The following STK10 variants were observed in gnomAD, a reference collection of about 807,000 sequenced individuals.
STK10 encodes serine/threonine kinase 10.
Under a neutral mutation model 113.8 loss-of-function variants are expected in STK10, and 78 were observed. The observed-to-expected ratio is 0.69, with a 90% CI of 0.57 to 0.83. STK10 has a LOEUF of 0.83. Among genes scored for constraint, STK10 ranks in the 40% least tolerant of loss-of-function variants. The pLI, the probability that STK10 is intolerant of heterozygous loss-of-function variation, is 0.00. For synonymous variants in STK10, 465 were observed against 494.7 expected, an observed-to-expected ratio of 0.94 and a Z score of 0.80; for missense variants, 1,109 against 1,280.1, an observed-to-expected ratio of 0.87 and a Z score of 2.04.
intron 10 of STK10, among the ~76,000 whole-genome samples, chr5:172,085,342 G>A (rs1199799479): frequency 1.3e-5 from 2 of 152,054 alleles, no homozygotes; most frequent in Non-Finnish European, 1.5e-5. Context: ...AAAAATATCG[G>A]AGGGATAAGC....
chr5:172,087,631 T>A (rs147654019), intron 10 of STK10, among the ~76,000 whole-genome samples: 18,226 of 128,242 alleles, frequency 0.14, 3,351 homozygotes, highest in African/African-American at 0.27. Context: ...TTATTTTTTT[T>A]TTTTTTTTGA....
In STK10 at chr5:172,133,615, A is replaced by G. The variant is rs1418175249; in HGVS notation, c.322-6194T>C. ...TCTGGAGCTAATTAGGAAGCACACAACTCTGATGGTTGCAGGAAACCATGT... is the reference window on the plus strand; with the variant it reads ...TCTGGAGCTAATTAGGAAGCACACAGCTCTGATGGTTGCAGGAAACCATGT... On this transcript the variant is annotated intron_variant, in intron 2 of 18. Coordinates refer to ENST00000176763, the MANE Select transcript of STK10 (RefSeq NM_005990.4). The surrounding 1 kb of genome is among the most constrained non-coding windows in gnomAD (Gnocchi z 4.9). Among the ~76,000 whole-genome samples, 5 of 152,148 alleles carry G rather than the reference A, an allele frequency of 3.3e-5. No individual in the cohort carries two copies. Among genetic ancestry groups the G allele is most frequent in the Non-Finnish European group, 5.9e-5 (4 of 68,032 alleles).
intron 4 of STK10, among the ~76,000 whole-genome samples, chr5:172,109,138 A>G (rs1473335074): frequency 3.9e-5 from 6 of 152,102 alleles, no homozygotes; most frequent in African/African-American, 1.4e-4. Context: ...GAAGGGGGAT[A>G]CACAGTTGAA....
intron 7 of STK10, among the ~76,000 whole-genome samples, chr5:172,102,163 G>A (rs1048446362): frequency 5.9e-5 from 9 of 152,184 alleles, no homozygotes; most frequent in Admixed American, 6.5e-5. Context: ...GCAGCAGCCC[G>A]AGTGAGAGGT....
rs1309929915 is a variant in STK10 at position 172,043,078 on chromosome 5, C to G, written c.*1804G>C. Reference sequence around the variant, plus strand: ...CAGCTTGGGCAACATATTAGAGACCCTGTCTCAAAGAATTTTTTTTTTTTT... The same window carrying G: ...CAGCTTGGGCAACATATTAGAGACCGTGTCTCAAAGAATTTTTTTTTTTTT... On this transcript the variant is annotated 3_prime_UTR_variant, in exon 19 of 19. Transcript: ENST00000176763. 3.3e-5 allele frequency: 5 copies of G among 151,570 alleles called. No individual in the cohort carries two copies. Among genetic ancestry groups the G allele is most frequent in the Admixed American group, 6.6e-5 (1 of 15,204 alleles). 9.4% of individuals were successfully genotyped at this position (151,570 alleles called of 1,614,324 possible).
chr5:172,066,469 G>A (rs1332672579), intron 12 of STK10, among the ~76,000 whole-genome samples: 2 of 152,302 alleles, frequency 1.3e-5, no homozygotes, highest in South Asian at 2.1e-4. Flanking sequence ...GCAGTCCAGT[G>A]AGTATGGGAT....
chr5:172,104,036 C>T (rs910858254), intron 7 of STK10, among the ~76,000 whole-genome samples: 9 of 152,336 alleles, frequency 5.9e-5, no homozygotes, highest in East Asian at 1.9e-4. Flanking sequence ...CCCAGAAGGA[C>T]GCACAGTGGC....
intron 1 of STK10, among the ~76,000 whole-genome samples, chr5:172,178,278 G>A (rs1770791395): frequency 6.6e-6 from 1 of 152,164 alleles, no homozygotes; most frequent in South Asian, 2.1e-4. Flanking sequence ...GCCACATCAG[G>A]CCGCTACATC....
Position 172,083,066 on chromosome 5 carries a change from C to A in STK10, c.1704G>T (p.Glu568Asp). The change falls in exon 11 of 19, where the codon GAG becomes GAT. Residue 568 changes from glutamate (E) to aspartate (D), a missense_variant. Transcript: ENST00000176763. ...GCTCTTCTTTCTGGAGCAGCCGAAG[C>A]TCTCGGAGTTCCTGGCGCCTGAAAG... is the stretch of plus-strand genomic sequence containing the variant. ...MRFLRRQELR[E>D]LRLLQKEEHR... 1 of 1,614,166 alleles carries A rather than the reference C, an allele frequency of 6.2e-7. No individual in the cohort carries two copies. Among genetic ancestry groups the A allele is most frequent in the Non-Finnish European group, 8.5e-7 (1 of 1,180,038 alleles).
At chr5:172,096,395 C>T (rs769039980) in intron 8 of STK10, 31 bp downstream of exon 8, 6 of 1,606,110 alleles carry the variant, frequency 3.7e-6, no homozygotes. Flanking sequence ...TCCTCCCAGC[C>T]CCCGCTAAGC....
At chr5:172,164,821 C>T (rs1028462918) in intron 1 of STK10, among the ~76,000 whole-genome samples, 3 of 152,204 alleles carry the variant, frequency 2.0e-5, no homozygotes, top group Admixed American at 1.3e-4. Flanking sequence ...CTGTGGCCTC[C>T]GATGTCCCTC....
intron 1 of STK10, among the ~76,000 whole-genome samples, chr5:172,175,960 G>C (rs1049698196): frequency 6.6e-6 from 1 of 152,122 alleles, no homozygotes; most frequent in Non-Finnish European, 1.5e-5. Context: ...TGTAGGAACT[G>C]AGCAAAAGTC....
chr5:172,116,399 A>T (rs1162492660), intron 4 of STK10, among the ~76,000 whole-genome samples: 1 of 152,146 alleles, frequency 6.6e-6, no homozygotes, highest in Non-Finnish European at 1.5e-5. Context: ...ATTACTTTAA[A>T]AAATGCATTG....
rs767967777 is a variant in STK10 at position 172,156,708 on chromosome 5, G to A, written c.237C>T (p.Ile79=). The change falls in exon 2 of 19, where the codon ATC becomes ATT. Residue 79 remains isoleucine, a synonymous_variant. Coordinates refer to ENST00000176763, the MANE Select transcript of STK10 (RefSeq NM_005990.4). Reference sequence around the variant, plus strand: ...AGGTGGCCAGGATCTCAATCTCCACGATGTAGTCCTCCAGCTCCTCCTCAC... The same window carrying A: ...AGGTGGCCAGGATCTCAATCTCCACAATGTAGTCCTCCAGCTCCTCCTCAC... The part of the protein sequence containing the change: ...TKSEEELEDY[I]VEIEILATCD... 3.1e-6 allele frequency: 5 copies of A among 1,614,066 alleles called. No individual in the cohort carries two copies. Among genetic ancestry groups the A allele is most frequent in the Admixed American group, 3.3e-5 (2 of 59,994 alleles).
At chr5:172,046,356 C>CAA (rs34426237) in intron 18 of STK10, among the ~76,000 whole-genome samples, 56,655 of 123,006 alleles carry the variant, frequency 0.46, 12,973 homozygotes, top group Non-Finnish European at 0.56. Flanking sequence ...GACTCTGTCT[C>CAA]AAAAAAAAAA....
In STK10 at chr5:172,175,253, G is replaced by A. The variant is rs574783601; in HGVS notation, c.156+12634C>T. 3.3e-5 allele frequency among the ~76,000 whole-genome samples: 5 copies of A among 152,224 alleles called. No individual in the cohort carries two copies. In the East Asian group the frequency reaches 5.8e-4, roughly 18 times the overall value. ...GCTGGTCGTGAACTCCTAGCCACCC[G>A]AAGTGCCAGCCCTGCTATAGTCTGT... On this transcript the variant is annotated intron_variant, in intron 1 of 18. Coordinates refer to ENST00000176763, the MANE Select transcript of STK10 (RefSeq NM_005990.4).
rs115014995 is a variant in STK10, at chr5:172,168,577, A to G, written c.157-11789T>C. On this transcript the variant is annotated intron_variant, in intron 1 of 18. Coordinates refer to ENST00000176763, the MANE Select transcript of STK10 (RefSeq NM_005990.4). ...GGCTCAGGATGAAAAAGGCCTGTCA[A>G]ACCCTCTTATGGTCTCTTGCTGCAG... Among the ~76,000 whole-genome samples the G allele has an allele frequency of 2.5e-3, 381 of 152,288 alleles. 1 individual carries two copies. The highest frequency in any genetic ancestry group is 9.0e-3 in the African/African-American group (373 of 41,564).
intron 8 of STK10, among the ~76,000 whole-genome samples, chr5:172,095,167 C>T (rs1768820044): frequency 6.6e-6 from 1 of 152,212 alleles, no homozygotes; most frequent in South Asian, 2.1e-4. Flanking sequence ...ATAAGTATTC[C>T]TTTGGGTCTT....
intron 1 of STK10, among the ~76,000 whole-genome samples, chr5:172,174,319 G>A (rs190317136): frequency 1.6e-4 from 24 of 152,102 alleles, no homozygotes; most frequent in Admixed American, 9.2e-4. Context: ...TTACAGGCGC[G>A]CACCATCACG....
Sources: gnomAD v4.1 joint callset for allele counts (sites outside exome capture counted in the v4.1 genomes callset) on GRCh38, gnomAD v4.1.1 for gene constraint, Gnocchi (gnomAD v3.1) non-coding constraint, MANE v1.5 for transcripts, NCBI Gene and HGNC (gene_info 2026-07-23, HGNC 2026-07-21) for gene names.